Variants in GALNT17 observed in about 807,000 individuals in gnomAD.
The protein encoded by GALNT17 is polypeptide N-acetylgalactosaminyltransferase 17, also known as UDP-GalNAc:polypeptide N-acetylgalactosaminyltransferase-like 3.
Under a neutral mutation model 63.7 loss-of-function variants are expected in GALNT17, and 29 were observed. That is an observed-to-expected ratio of 0.46 (90% CI 0.34 to 0.62). The LOEUF (loss-of-function observed/expected upper bound fraction) is 0.62. GALNT17 is among the 20% of genes least tolerant of loss of function. The pLI is 0.01. For synonymous variants in GALNT17, 305 were observed against 318.3 expected (o/e 0.96, Z 0.45); for missense variants, 603 against 799.6 (o/e 0.75, Z 2.97).
chr7:71,690,149 C>G (rs138906497), intron 9 of GALNT17, among the ~76,000 whole-genome samples: 4 of 151,982 alleles, frequency 2.6e-5, no homozygotes, highest in African/African-American at 9.7e-5. Flanking sequence ...CTCAGCCTCC[C>G]GAGTAGCTGG....
intron 1 of GALNT17, among the ~76,000 whole-genome samples, chr7:71,333,836 C>T (rs376226493): frequency 2.6e-5 from 4 of 152,222 alleles, no homozygotes; most frequent in African/African-American, 7.2e-5. Context: ...TCCAAAGTGG[C>T]GGGACAACTG....
chr7:71,398,804 A>G (rs536424669), intron 3 of GALNT17, among the ~76,000 whole-genome samples: 1 of 152,372 alleles, frequency 6.6e-6, no homozygotes, highest in African/African-American at 2.4e-5. Flanking sequence ...TGAACTGTAT[A>G]CTTAAAATGG....
chr7:71,260,036 A>G (rs1178496051), intron 1 of GALNT17, among the ~76,000 whole-genome samples: 1 of 152,034 alleles, frequency 6.6e-6, no homozygotes, highest in Non-Finnish European at 1.5e-5. Flanking sequence ...CTGTCATCAA[A>G]TATTTGCAGG....
At chr7:71,706,272 CCTGCATGG>C (rs964427803) in intron 9 of GALNT17, among the ~76,000 whole-genome samples, 2 of 152,174 alleles carry the variant, frequency 1.3e-5, no homozygotes, top group African/African-American at 4.8e-5. Context: ...CCCAGCCTAC[CCTGCATGG>C]CTGCATGGCT....
intron 1 of GALNT17, among the ~76,000 whole-genome samples, chr7:71,262,340 T>G (rs1790400016): frequency 6.6e-6 from 1 of 152,140 alleles, no homozygotes; most frequent in South Asian, 2.1e-4. Context: ...GGTCTCAAAG[T>G]CCCGGCCTCA....
intron 6 of GALNT17, among the ~76,000 whole-genome samples, chr7:71,594,208 A>G (rs1429573557): frequency 6.6e-6 from 1 of 152,120 alleles, no homozygotes; most frequent in Non-Finnish European, 1.5e-5. Context: ...TCTGAGTCTG[A>G]GAACACCTGG....
intron 2 of GALNT17, among the ~76,000 whole-genome samples, chr7:71,359,462 A>T (rs773515343): frequency 6.6e-6 from 1 of 152,164 alleles, no homozygotes; most frequent in Non-Finnish European, 1.5e-5. Flanking sequence ...GCTCCAAGGC[A>T]TCCATGAGGG....
chr7:71,707,118 ATTAT>A (rs1368950981), intron 9 of GALNT17, among the ~76,000 whole-genome samples: 8 of 152,136 alleles, frequency 5.3e-5, no homozygotes, highest in African/African-American at 7.2e-5. Flanking sequence ...GGAAAATTGC[ATTAT>A]TTATTCTCTT....
intron 3 of GALNT17, among the ~76,000 whole-genome samples, chr7:71,394,562 T>G (rs959337489): frequency 6.6e-6 from 1 of 152,112 alleles, no homozygotes; most frequent in Non-Finnish European, 1.5e-5. Context: ...CCAGAACAAT[T>G]CAAACCTGTA....
intron 5 of GALNT17, among the ~76,000 whole-genome samples, chr7:71,512,177 G>A (rs184300718): frequency 6.6e-6 from 1 of 151,966 alleles, no homozygotes; most frequent in Admixed American, 6.6e-5. Context: ...AGCTAATTTT[G>A]TATTTTTAGT....
At chr7:71,144,031 A>G (rs1362267080) in intron 1 of GALNT17, among the ~76,000 whole-genome samples, 3 of 152,120 alleles carry the variant, frequency 2.0e-5, no homozygotes, top group Non-Finnish European at 4.4e-5. Flanking sequence ...TGACTCCACG[A>G]TCACATCCAG....
chr7:71,156,039 A>G (rs1317742618), intron 1 of GALNT17, among the ~76,000 whole-genome samples: 1 of 151,738 alleles, frequency 6.6e-6, no homozygotes, highest in Non-Finnish European at 1.5e-5. Context: ...TCTACTAAAA[A>G]TACAAAATTA....
chr7:71,137,361 G>A (rs560703503), intron 1 of GALNT17, among the ~76,000 whole-genome samples: 1 of 150,682 alleles, frequency 6.6e-6, no homozygotes, highest in Non-Finnish European at 1.5e-5. Context: ...GGATGGTCTC[G>A]ATCTCCTGAC....
chr7:71,583,239 G>C (rs907227885), intron 6 of GALNT17, among the ~76,000 whole-genome samples: 4 of 152,082 alleles, frequency 2.6e-5, no homozygotes, highest in African/African-American at 9.6e-5. Flanking sequence ...GGACCACAGG[G>C]GCACACCACC....
At chr7:71,134,240 C>T (rs1009891130) in intron 1 of GALNT17, among the ~76,000 whole-genome samples, 2 of 152,176 alleles carry the variant, frequency 1.3e-5, no homozygotes, top group African/African-American at 4.8e-5. Flanking sequence ...AGAGCCTGTG[C>T]GCTTGACCTC....
At chr7:71,684,831 T>G (rs1047838192) in intron 9 of GALNT17, among the ~76,000 whole-genome samples, 2 of 152,002 alleles carry the variant, frequency 1.3e-5, no homozygotes, top group Admixed American at 6.6e-5. Flanking sequence ...ACCCAGCTAA[T>G]TTTTCAGTTT....
chr7:71,571,203 C>T (rs1046871496), intron 5 of GALNT17, 82 bp from the exon 6 acceptor site: 7 of 1,199,390 alleles, frequency 5.8e-6, no homozygotes, highest in East Asian at 2.4e-5. Flanking sequence ...AGACCGGAAC[C>T]AGTACATACT....
chr7:71,276,615 G>A (rs1448610541), intron 1 of GALNT17, among the ~76,000 whole-genome samples: 4 of 152,124 alleles, frequency 2.6e-5, no homozygotes, highest in African/African-American at 9.7e-5. Flanking sequence ...TGTAAGACGT[G>A]GCTTTGCTTC....
intron 1 of GALNT17, among the ~76,000 whole-genome samples, chr7:71,152,764 C>T (rs541020694): frequency 6.6e-6 from 1 of 152,158 alleles, no homozygotes; most frequent in East Asian, 1.9e-4. Context: ...TCCTGAGTAG[C>T]TAGGATTACA....
Sources: gnomAD v4.1 joint callset for allele counts (sites outside exome capture counted in the v4.1 genomes callset) on GRCh38, gnomAD v4.1.1 for gene constraint, MANE v1.5 for transcripts, NCBI Gene and HGNC (gene_info 2026-07-23, HGNC 2026-07-21) for gene names.